Variants in SLC8A1 observed in about 807,000 individuals in gnomAD.
SLC8A1 encodes sodium/calcium exchanger 1.
In SLC8A1, 18 loss-of-function variants were observed where a neutral mutation model predicts 68.3. That is an observed-to-expected ratio of 0.26 (90% confidence interval 0.18 to 0.39). SLC8A1 has a LOEUF of 0.39. Ranked by LOEUF, SLC8A1 falls within the 10% of genes least tolerant of loss-of-function variation. SLC8A1 has a pLI of 1.00. For missense variants in SLC8A1, 985 were observed against 1,156.7 expected, an observed-to-expected ratio of 0.85 and a Z score of 2.15; for synonymous variants, 475 against 415.5, an observed-to-expected ratio of 1.14 and a Z score of -1.74.
At chr2:40,458,362 C>T (rs1703147503) in intron 1 of SLC8A1, among the ~76,000 whole-genome samples, 1 of 151,914 alleles carries the variant, frequency 6.6e-6, no homozygotes, top group African/African-American at 2.4e-5. Flanking sequence ...ACTATGGGGC[C>T]CCCTTCTACT....
At chr2:40,415,712 T>A (rs2149718235) in intron 2 of SLC8A1, among the ~76,000 whole-genome samples, 1 of 152,136 alleles carries the variant, frequency 6.6e-6, no homozygotes, top group African/African-American at 2.4e-5. Flanking sequence ...CTCAACCAGG[T>A]GTGGCCTGTT....
rs1354353069 is a variant in SLC8A1 at position 40,260,419 on chromosome 2, C to CT, written c.1809-82565dup. Reference sequence around the variant, plus strand: ...ACCTCACCAAATCGACTTTTAATACCTTTTTTTCCCATAGGCTTCCAACCT... The same window carrying CT: ...ACCTCACCAAATCGACTTTTAATACCTTTTTTTTCCCATAGGCTTCCAACCT... On this transcript the variant is annotated intron_variant, in intron 2 of 7. Coordinates refer to ENST00000406785, the Ensembl canonical transcript of SLC8A1. Among the ~76,000 whole-genome samples, 10 of 152,198 alleles carry CT rather than the reference C, an allele frequency of 6.6e-5. No individual in the cohort carries two copies. The East Asian group carries it at 1.7e-3, about 26-fold the overall frequency.
intron 2 of SLC8A1, among the ~76,000 whole-genome samples, chr2:40,309,360 T>C (rs533966747): frequency 2.2e-3 from 333 of 152,268 alleles, no homozygotes; most frequent in African/African-American, 7.5e-3. Flanking sequence ...CTTCAGGCTT[T>C]GGAAGGCGCA....
intron 2 of SLC8A1, among the ~76,000 whole-genome samples, chr2:40,280,797 A>G (rs1285341580): frequency 6.6e-6 from 1 of 152,228 alleles, no homozygotes; most frequent in Admixed American, 6.5e-5. Flanking sequence ...GAGTCTTTGA[A>G]GACCCTGTAA....
intron 2 of SLC8A1, among the ~76,000 whole-genome samples, chr2:40,378,201 G>A (rs1680554213): frequency 6.6e-6 from 1 of 152,100 alleles, no homozygotes; most frequent in Non-Finnish European, 1.5e-5. Flanking sequence ...ATATTGATAA[G>A]TGCTCAGGGG....
At chr2:40,406,607 T>C (rs1329669409) in intron 2 of SLC8A1, among the ~76,000 whole-genome samples, 1 of 152,102 alleles carries the variant, frequency 6.6e-6, no homozygotes, top group African/African-American at 2.4e-5. Flanking sequence ...GAGGGGAATA[T>C]CTTCCCAGGT....
upstream of SLC8A1, among the ~76,000 whole-genome samples, chr2:40,455,820 C>T (rs1702968611): frequency 6.6e-6 from 1 of 152,182 alleles, no homozygotes; most frequent in Non-Finnish European, 1.5e-5. Context: ...GAACACCACT[C>T]TTGTACCTCA....
intron 7 of SLC8A1, among the ~76,000 whole-genome samples, chr2:40,138,528 G>C (rs1431685515): frequency 6.6e-6 from 1 of 152,172 alleles, no homozygotes; most frequent in African/African-American, 2.4e-5. Context: ...ATGCTAATTA[G>C]TGCTGGAGAC....
intron 2 of SLC8A1, among the ~76,000 whole-genome samples, chr2:40,232,245 C>T (rs1477316434): frequency 6.6e-6 from 1 of 152,000 alleles, no homozygotes; most frequent in African/African-American, 2.4e-5. Context: ...TAACTCTGGG[C>T]ACCTACACTG....
Position 40,263,998 on chromosome 2 carries a change from T to G in SLC8A1, c.1809-86143A>C, listed in dbSNP as rs535717077. 8.6e-5 allele frequency among the ~76,000 whole-genome samples: 13 copies of G among 151,964 alleles called. No homozygotes were observed. In the South Asian group the frequency reaches 2.3e-3, roughly 27 times the overall value. Reference sequence around the variant, plus strand: ...AATCTACAATGAACTCAAACAAATTTACAAGAAAAAAACAAACAACCCCAT... The same window carrying G: ...AATCTACAATGAACTCAAACAAATTGACAAGAAAAAAACAAACAACCCCAT... On this transcript the variant is annotated intron_variant, in intron 2 of 7. Transcript: ENST00000406785.
At chr2:40,475,360 C>A (rs938566666) in intron 1 of SLC8A1, among the ~76,000 whole-genome samples, 33 of 151,976 alleles carry the variant, frequency 2.2e-4, no homozygotes, top group African/African-American at 8.0e-4. Flanking sequence ...GTCTCGATCT[C>A]CTGACCTCGT....
intron 2 of SLC8A1, among the ~76,000 whole-genome samples, chr2:40,232,590 T>G (rs2059797737): frequency 7.3e-6 from 1 of 136,240 alleles, no homozygotes; most frequent in South Asian, 2.4e-4. Flanking sequence ...TGTCCAACTT[T>G]GTATTCTGTT....
chr2:40,391,990 G>C (rs562507298), intron 2 of SLC8A1, among the ~76,000 whole-genome samples: 2 of 151,854 alleles, frequency 1.3e-5, no homozygotes, highest in African/African-American at 4.8e-5. Flanking sequence ...TTCTCATTCA[G>C]TCCTTAAGTG....
intron 2 of SLC8A1, among the ~76,000 whole-genome samples, chr2:40,225,195 T>C (rs2058816685): frequency 6.6e-6 from 1 of 152,136 alleles, no homozygotes; most frequent in African/African-American, 2.4e-5. Context: ...GAAAACAGCA[T>C]AGGAATTCAC....
intron 1 of SLC8A1, among the ~76,000 whole-genome samples, chr2:40,438,915 G>A (rs566075705): frequency 6.6e-6 from 1 of 152,246 alleles, no homozygotes; most frequent in South Asian, 2.1e-4. Flanking sequence ...AGCACACAGG[G>A]CATGGGGCTT....
chr2:40,327,854 C>A (rs2076012306), intron 2 of SLC8A1, among the ~76,000 whole-genome samples: 2 of 151,900 alleles, frequency 1.3e-5, no homozygotes, highest in South Asian at 2.1e-4. Flanking sequence ...TAGCATCATG[C>A]AATATACCCA....
At chr2:40,470,093 A>C (rs532353988) in intron 1 of SLC8A1, among the ~76,000 whole-genome samples, 1 of 152,196 alleles carries the variant, frequency 6.6e-6, no homozygotes, top group Non-Finnish European at 1.5e-5. Flanking sequence ...CTACTTACGC[A>C]CACTCTTTCC....
chr2:40,241,196 C>T (rs1325321470), intron 2 of SLC8A1, among the ~76,000 whole-genome samples: 2 of 152,106 alleles, frequency 1.3e-5, no homozygotes, highest in African/African-American at 4.8e-5. Context: ...ATGGTTTTTG[C>T]AGTGATATGG....
At chr2:40,395,664 A>G (rs1227123841) in intron 2 of SLC8A1, among the ~76,000 whole-genome samples, 4 of 152,172 alleles carry the variant, frequency 2.6e-5, no homozygotes, top group African/African-American at 9.6e-5. Flanking sequence ...AAGAAAAACT[A>G]AAGTGGAACT....
Sources: gnomAD v4.1 joint callset for allele counts (sites outside exome capture counted in the v4.1 genomes callset) on GRCh38, gnomAD v4.1.1 for gene constraint, MANE v1.5 for transcripts, NCBI Gene and HGNC (gene_info 2026-07-23, HGNC 2026-07-21) for gene names.